Variants in GORASP1 observed in about 807,000 individuals in gnomAD.
GORASP1 encodes Golgi reassembly-stacking protein 1.
A neutral mutation model predicts 37.7 loss-of-function variants in GORASP1; 31 were observed. The observed-to-expected ratio is 0.82, with a 90% CI of 0.62 to 1.11. The LOEUF (loss-of-function observed/expected upper bound fraction) is 1.11. Ranked by LOEUF, GORASP1 falls within the 50% of genes least tolerant of loss-of-function variation. GORASP1 has a pLI of 0.00. For missense variants in GORASP1, 476 were observed against 560.7 expected, an observed-to-expected ratio of 0.85 and a Z score of 1.53; for synonymous variants, 204 against 224.8, an observed-to-expected ratio of 0.91 and a Z score of 0.83.
At position 39,098,945 on chromosome 3, in the gene GORASP1, AAGC is replaced by A; in HGVS notation, c.917-55_917-53del. On this transcript the variant is annotated intron_variant, in intron 7 of 8. Coordinates refer to ENST00000319283, the MANE Select transcript of GORASP1 (RefSeq NM_031899.4). This position sits in a 1 kb window ranked among gnomAD's most constrained non-coding sequence, Gnocchi z 4.7. Reference sequence around the variant, plus strand: ...CCAGCAAGAAACCCTGACTGCTGGAAAGCAGCACCCTGGGCTCACCTTGCCTAG... The same window carrying A: ...CCAGCAAGAAACCCTGACTGCTGGAAAGCACCCTGGGCTCACCTTGCCTAG... 6.2e-7 allele frequency: 1 copy of A among 1,606,396 alleles called. No individual in the cohort carries two copies. Among genetic ancestry groups the A allele is most frequent in the South Asian group, 1.1e-5 (1 of 89,522 alleles).
In GORASP1 at chr3:39,097,989, G is replaced by T; in HGVS notation, c.*247C>A. 1.8e-6 allele frequency: 1 copy of T among 544,284 alleles called. No individual in the cohort carries two copies. Among genetic ancestry groups the T allele is most frequent in the Non-Finnish European group, 3.3e-6 (1 of 304,274 alleles). The allele number at this position is 544,284 out of a possible 1,614,324, so 33.7% of individuals were successfully genotyped here. On this transcript the variant is annotated 3_prime_UTR_variant, in exon 9 of 9. Transcript: ENST00000319283. ...CCTTCCTCACCTCATCTTCACACTG[G>T]ATTATGACCAGACCCTGCTGCCTCC...
intron 7 of GORASP1, 136 bp downstream of exon 7, chr3:39,099,217 G>A (rs2035538820): frequency 1.9e-6 from 2 of 1,032,522 alleles, no homozygotes; most frequent in Admixed American, 1.9e-5. Context: ...TACTAGATTG[G>A]ATGATATGCA....
chr3:39,098,627 G>A lies in GORASP1; in HGVS notation c.1069+114C>T. On this transcript the variant is annotated intron_variant, in intron 8 of 8. Coordinates refer to ENST00000319283, the MANE Select transcript of GORASP1 (RefSeq NM_031899.4). This position sits in a 1 kb window ranked among gnomAD's most constrained non-coding sequence, Gnocchi z 4.7. ...TGGAGATGGAGTGTACAAATGCCTT[G>A]GTGTGGCTGTATCAACCCGATGGCC... 1 of 1,500,256 alleles carries A rather than the reference G, an allele frequency of 6.7e-7. No individual in the cohort carries two copies. The highest frequency in any genetic ancestry group is 1.4e-5 in the African/African-American group (1 of 72,564). The allele number at this position is 1,500,256 out of a possible 1,614,324, so 92.9% of individuals were successfully genotyped here.
chr3:39,102,978 G>T lies in GORASP1; in HGVS notation c.145-97C>A. 2 of 1,145,878 alleles carry T rather than the reference G, an allele frequency of 1.7e-6. No homozygotes were observed. The highest frequency in any genetic ancestry group is 1.3e-6 in the Non-Finnish European group (1 of 757,246). The allele number at this position is 1,145,878 out of a possible 1,614,324, so 71.0% of individuals were successfully genotyped here. Reference sequence around the variant, plus strand: ...TGAGATGGGGCAAGGGCCTTAGTGGGCAGCAGCCCTCAGCAGGGTCACTGT... The same window carrying T: ...TGAGATGGGGCAAGGGCCTTAGTGGTCAGCAGCCCTCAGCAGGGTCACTGT... On this transcript the variant is annotated intron_variant, in intron 2 of 8. Transcript: ENST00000319283. The surrounding 1 kb of genome is among the most constrained non-coding windows in gnomAD (Gnocchi z 5.0).
Position 39,100,489 on chromosome 3 carries a change from A to G in GORASP1, c.581T>C (p.Ile194Thr), listed in dbSNP as rs139205051. ...GATCCGGTGTAGATACCCATAGCCA[A>G]TGCCACATCCCAGACTGCCGAAGGC... ...WGGEGSLGCG[I>T]GYGYLHRIPT... is the part of the protein sequence containing the mutation. The change falls in exon 6 of 9, where the codon ATT (isoleucine) becomes ACT (threonine). Residue 194 changes from isoleucine (I) to threonine (T), a missense_variant. Ile to Thr is a moderately conservative substitution (Grantham distance 89). Coordinates refer to ENST00000319283, the MANE Select transcript of GORASP1 (RefSeq NM_031899.4). The surrounding 1 kb of genome is among the most constrained non-coding windows in gnomAD (Gnocchi z 4.6). The G allele has an allele frequency of 2.5e-6, 4 of 1,575,804 alleles. No homozygotes were observed. Among genetic ancestry groups the G allele is most frequent in the East Asian group, 2.2e-5 (1 of 44,586 alleles).
chr3:39,103,077 C>T lies in GORASP1; in HGVS notation c.145-196G>A. On this transcript the variant is annotated intron_variant, in intron 2 of 8. Coordinates refer to ENST00000319283, the MANE Select transcript of GORASP1 (RefSeq NM_031899.4). This position sits in a 1 kb window ranked among gnomAD's most constrained non-coding sequence, Gnocchi z 5.2. ...AGCCTGCAGCCACTGGGACCCCCAC[C>T]TTCCCCAAGCACTGCCAAACCTTCC... 2 of 623,552 alleles carry T rather than the reference C, an allele frequency of 3.2e-6. No homozygotes were observed. Among genetic ancestry groups the T allele is most frequent in the Admixed American group, 2.8e-5 (1 of 36,356 alleles). The allele number at this position is 623,552 out of a possible 1,614,324, so 38.6% of individuals were successfully genotyped here.
At position 39,103,259 on chromosome 3, in the gene GORASP1, A is replaced by G. The variant is rs2035833849; in HGVS notation, c.144+214T>C. On this transcript the variant is annotated intron_variant, in intron 2 of 8. Transcript: ENST00000319283. This position sits in a 1 kb window ranked among gnomAD's most constrained non-coding sequence, Gnocchi z 5.2. ...GCCTTGTTGCCACCTCCAAGAGGCC[A>G]TATGTCCTCTGTCCACCCCACAGAG... The G allele has an allele frequency of 3.4e-6, 2 of 591,244 alleles. No individual in the cohort carries two copies. Among genetic ancestry groups the G allele is most frequent in the African/African-American group, 1.9e-5 (1 of 53,690 alleles). 36.6% of individuals were successfully genotyped at this position (591,244 alleles called of 1,614,324 possible). A position where few individuals can be genotyped will look rare whatever the true frequency, so the allele number is the denominator to read the frequency against.
chr3:39,103,004 G>A lies in GORASP1; in HGVS notation c.145-123C>T. 1 of 920,028 alleles carries A rather than the reference G, an allele frequency of 1.1e-6. No homozygotes were observed. Among genetic ancestry groups the A allele is most frequent in the African/African-American group, 1.6e-5 (1 of 62,012 alleles). The allele number at this position is 920,028 out of a possible 1,614,324, so 57.0% of individuals were successfully genotyped here. ...CAGCAGCCCTCAGCAGGGTCACTGT[G>A]GGGATGGGCCAAGGTAGTGGATGGG... On this transcript the variant is annotated intron_variant, in intron 2 of 8. Transcript: ENST00000319283. This position sits in a 1 kb window ranked among gnomAD's most constrained non-coding sequence, Gnocchi z 5.2.
chr3:39,101,084 G>A lies in GORASP1; in HGVS notation c.367C>T (p.Pro123Ser), dbSNP rs776210436. 3.1e-6 allele frequency: 5 copies of A among 1,614,132 alleles called. No individual in the cohort carries two copies. Among genetic ancestry groups the A allele is most frequent in the South Asian group, 2.2e-5 (2 of 91,086 alleles). ...GGGCGCAGGCCGGCAAGGGCAGCAG[G>A]TGAAGATGGTTCCACATCCTGGGGA... ...WHVLDVEPSSPAALAGLRPYT... is the reference protein window; with the variant it reads ...WHVLDVEPSSSAALAGLRPYT... Residue 123 changes from proline to serine, a missense_variant, in exon 4 of 9, where the codon CCT becomes TCT. Pro to Ser is a moderately conservative substitution (Grantham distance 74). Coordinates refer to ENST00000319283, the MANE Select transcript of GORASP1 (RefSeq NM_031899.4).
chr3:39,102,982 C>G lies in GORASP1; in HGVS notation c.145-101G>C, dbSNP rs1174026093. ...ATGGGGCAAGGGCCTTAGTGGGCAG[C>G]AGCCCTCAGCAGGGTCACTGTGGGG... On this transcript the variant is annotated intron_variant, in intron 2 of 8. Coordinates refer to ENST00000319283, the MANE Select transcript of GORASP1 (RefSeq NM_031899.4). This position sits in a 1 kb window ranked among gnomAD's most constrained non-coding sequence, Gnocchi z 5.0. 10 of 1,080,620 alleles carry G rather than the reference C, an allele frequency of 9.3e-6. No individual in the cohort carries two copies. Among genetic ancestry groups the G allele is most frequent in the Non-Finnish European group, 1.4e-5 (10 of 700,822 alleles). The allele number at this position is 1,080,620 out of a possible 1,614,324, so 66.9% of individuals were successfully genotyped here.
In GORASP1 at chr3:39,107,612, A is replaced by G. The variant is rs949194444; in HGVS notation, c.-71T>C. 6.3e-5 allele frequency: 87 copies of G among 1,389,456 alleles called. No homozygotes were observed. Among genetic ancestry groups the G allele is most frequent in the Non-Finnish European group, 7.7e-5 (80 of 1,035,154 alleles). 86.1% of individuals were successfully genotyped at this position (1,389,456 alleles called of 1,614,324 possible). A position where few individuals can be genotyped will look rare whatever the true frequency, so the allele number is the denominator to read the frequency against. ...CCCGGACCGACCCGACGCCAGTAGC[A>G]CCGACTCGCTCTCTCGGCGCTCGAT... On this transcript the variant is annotated 5_prime_UTR_variant, in exon 1 of 9. Coordinates refer to ENST00000319283, the MANE Select transcript of GORASP1 (RefSeq NM_031899.4).
chr3:39,102,870 A>C lies in GORASP1; in HGVS notation c.156T>G (p.Asn52Lys). The change falls in exon 3 of 9, where the codon AAT becomes AAG. Residue 52 changes from asparagine (N) to lysine (K), a missense_variant. Transcript: ENST00000319283. This position sits in a 1 kb window ranked among gnomAD's most constrained non-coding sequence, Gnocchi z 5.0. Reference sequence around the variant, plus strand: ...CTTTCAGTAGTGCCTTCAGGGTGTCATTCTCCTTGTTCTGTGGGGGCAATG... The same window carrying C: ...CTTTCAGTAGTGCCTTCAGGGTGTCCTTCTCCTTGTTCTGTGGGGGCAATG... ...TIGHSRLNKE[N>K]DTLKALLKAN... is the part of the protein sequence containing the mutation. 6.2e-7 allele frequency: 1 copy of C among 1,614,118 alleles called. No individual in the cohort carries two copies. The highest frequency in any genetic ancestry group is 1.7e-5 in the Admixed American group (1 of 60,028).
Position 39,107,596 on chromosome 3 carries a change from A to C in GORASP1, c.-55T>G. ...AGTCCCGCTGCGCCTACCCGGACCG[A>C]CCCGACGCCAGTAGCACCGACTCGC... On this transcript the variant is annotated 5_prime_UTR_variant, in exon 1 of 9. Transcript: ENST00000319283. 2.1e-6 allele frequency: 3 copies of C among 1,450,568 alleles called. No individual in the cohort carries two copies. The highest frequency in any genetic ancestry group is 2.7e-6 in the Non-Finnish European group (3 of 1,095,054). 89.9% of individuals were successfully genotyped at this position (1,450,568 alleles called of 1,614,324 possible). A position where few individuals can be genotyped will look rare whatever the true frequency, so the allele number is the denominator to read the frequency against.
Position 39,103,584 on chromosome 3 carries a change from G to A in GORASP1, c.64-31C>T, listed in dbSNP as rs1330225513. On this transcript the variant is annotated intron_variant, in intron 1 of 8. Transcript: ENST00000319283. The surrounding 1 kb of genome is among the most constrained non-coding windows in gnomAD (Gnocchi z 5.2). The stretch of plus-strand genomic sequence containing the variant: ...CCACAGCAAAGACCACAGTCACTGC[G>A]CCAACCCTGGGACTCTCCAAGTAGC... 11 of 1,563,976 alleles carry A rather than the reference G, an allele frequency of 7.0e-6. No individual in the cohort carries two copies. In the East Asian group the frequency reaches 1.6e-4, roughly 22 times the overall value.
At position 39,107,600 on chromosome 3, in the gene GORASP1, G is replaced by A. The variant is rs2036300304; in HGVS notation, c.-59C>T. The stretch of plus-strand genomic sequence containing the variant: ...CCGCTGCGCCTACCCGGACCGACCC[G>A]ACGCCAGTAGCACCGACTCGCTCTC... On this transcript the variant is annotated 5_prime_UTR_variant, in exon 1 of 9. Coordinates refer to ENST00000319283, the MANE Select transcript of GORASP1 (RefSeq NM_031899.4). The A allele has an allele frequency of 3.5e-5, 51 of 1,439,660 alleles. 2 individuals are homozygous for A. In the South Asian group the frequency reaches 5.5e-4, roughly 16 times the overall value. 89.2% of individuals were successfully genotyped at this position (1,439,660 alleles called of 1,614,324 possible).
Position 39,107,595 on chromosome 3 carries a change from G to T in GORASP1, c.-54C>A. On this transcript the variant is annotated 5_prime_UTR_variant, in exon 1 of 9. Coordinates refer to ENST00000319283, the MANE Select transcript of GORASP1 (RefSeq NM_031899.4). Reference sequence around the variant, plus strand: ...CAGTCCCGCTGCGCCTACCCGGACCGACCCGACGCCAGTAGCACCGACTCG... The same window carrying T: ...CAGTCCCGCTGCGCCTACCCGGACCTACCCGACGCCAGTAGCACCGACTCG... 1 of 1,454,768 alleles carries T rather than the reference G, an allele frequency of 6.9e-7. No individual in the cohort carries two copies. Among genetic ancestry groups the T allele is most frequent in the South Asian group, 1.3e-5 (1 of 75,842 alleles). 90.1% of individuals were successfully genotyped at this position (1,454,768 alleles called of 1,614,324 possible). A position where few individuals can be genotyped will look rare whatever the true frequency, so the allele number is the denominator to read the frequency against.
chr3:39,106,486 C>T (rs1475310047), intron 1 of GORASP1, among the ~76,000 whole-genome samples: 2 of 152,200 alleles, frequency 1.3e-5, no homozygotes, highest in African/African-American at 4.8e-5. Flanking sequence ...ATCCTGTCAA[C>T]TCTGGGTTCT....
At chr3:39,106,578 C>G (rs2036122820) in intron 1 of GORASP1, among the ~76,000 whole-genome samples, 1 of 152,174 alleles carries the variant, frequency 6.6e-6, no homozygotes, top group African/African-American at 2.4e-5. Context: ...CTTCAAAACA[C>G]ACAAACCGAC....
At chr3:39,107,257 G>A in intron 1 of GORASP1, 1 of 512,910 alleles carries the variant, frequency 1.9e-6, no homozygotes, top group South Asian at 2.0e-5. Context: ...CTTGGGGCGG[G>A]CGCTGGGCCC....
Sources: allele counts gnomAD v4.1 joint callset (sites outside exome capture counted in the v4.1 genomes callset), GRCh38; gene constraint gnomAD v4.1.1; non-coding constraint Gnocchi (gnomAD v3.1); transcripts MANE v1.5; gene names NCBI Gene and HGNC (gene_info 2026-07-23, HGNC 2026-07-21).